The following DDAH1 variants were observed in gnomAD, a reference collection of about 807,000 sequenced individuals.
The protein encoded by DDAH1 is N(G),N(G)-dimethylarginine dimethylaminohydrolase 1.
Under a neutral mutation model 28.8 loss-of-function variants are expected in DDAH1, and 19 were observed. That is an observed-to-expected ratio of 0.66 (90% CI 0.46 to 0.97). DDAH1 has a LOEUF of 0.97. DDAH1 is among the 50% of genes least tolerant of loss of function. The pLI is 0.00. For synonymous variants in DDAH1, 153 were observed against 154.4 expected, an observed-to-expected ratio of 0.99 and a Z score of 0.07; for missense variants, 326 against 375.9, an observed-to-expected ratio of 0.87 and a Z score of 1.10.
intron 1 of DDAH1, among the ~76,000 whole-genome samples, chr1:85,508,254 T>C (rs962893983): frequency 2.0e-5 from 3 of 152,246 alleles, no homozygotes; most frequent in South Asian, 4.1e-4. Context: ...AAATTTCAAA[T>C]ATTATCACTC....
At chr1:85,323,968 C>CAAAA in intron 5 of DDAH1, among the ~76,000 whole-genome samples, 1 of 99,952 alleles carries the variant, frequency 1.0e-5, no homozygotes, top group African/African-American at 3.8e-5. Context: ...GATCCTGTCT[C>CAAAA]AAAAAAAAAA....
chr1:85,565,816 C>T (rs935283260), intron 1 of DDAH1, among the ~76,000 whole-genome samples: 1 of 152,202 alleles, frequency 6.6e-6, no homozygotes, highest in Non-Finnish European at 1.5e-5. Context: ...TGAGGTGGCT[C>T]ACGCCTGTAA....
At chr1:85,362,582 C>G (rs137892642) in intron 1 of DDAH1, among the ~76,000 whole-genome samples, 268 of 152,176 alleles carry the variant, frequency 1.8e-3, no homozygotes, top group African/African-American at 5.5e-3. Context: ...GTGGCAAGAA[C>G]CAGGGATTAG....
rs554650867 is a variant in DDAH1 at position 85,461,331 on chromosome 1, G to A, written c.303+3412C>T. Among the ~76,000 whole-genome samples the A allele has an allele frequency of 2.0e-4, 31 of 152,250 alleles. No homozygotes were observed. In the South Asian group the frequency reaches 5.8e-3, roughly 29 times the overall value. ...CTAAAACTTAGGCTTCCTGCACACA[G>A]GGCCTGTGTTTTATTAATCTTTGAG... On this transcript the variant is annotated intron_variant, in intron 1 of 5. Coordinates refer to ENST00000284031, the MANE Select transcript of DDAH1 (RefSeq NM_012137.4).
chr1:85,490,986 TA>T (rs1025128161), intron 2 of DDAH1, among the ~76,000 whole-genome samples: 1 of 152,004 alleles, frequency 6.6e-6, no homozygotes, highest in African/African-American at 2.4e-5. Context: ...AGGTGAAGGT[TA>T]TGATTTTTGC....
At chr1:85,524,413 T>C (rs539995809) in intron 1 of DDAH1, among the ~76,000 whole-genome samples, 3 of 150,634 alleles carry the variant, frequency 2.0e-5, no homozygotes, top group Non-Finnish European at 1.5e-5. Context: ...TGCTTAACCC[T>C]GGTTGTACAA....
intron 1 of DDAH1, among the ~76,000 whole-genome samples, chr1:85,462,237 C>T (rs1013199831): frequency 1.6e-4 from 24 of 152,258 alleles, no homozygotes; most frequent in African/African-American, 4.8e-4. Flanking sequence ...AGTGAAAGAA[C>T]CTCGCTCGAT....
At chr1:85,561,982 G>A (rs1659155964) in intron 1 of DDAH1, among the ~76,000 whole-genome samples, 3 of 152,176 alleles carry the variant, frequency 2.0e-5, no homozygotes, top group African/African-American at 7.2e-5. Flanking sequence ...GGGTCACCCT[G>A]TTTGACAGAG....
At chr1:85,515,016 T>TAC (rs3058833) in intron 1 of DDAH1, among the ~76,000 whole-genome samples, 66 of 48,314 alleles carry the variant, frequency 1.4e-3, no homozygotes, top group African/African-American at 3.6e-3. Context: ...AGAGCTAGAA[T>TAC]ACACACACAC....
At position 85,356,208 on chromosome 1, in the gene DDAH1, A is replaced by G. The variant is rs557928225; in HGVS notation, c.403+2540T>C. On this transcript the variant is annotated intron_variant, in intron 2 of 5. Transcript: ENST00000284031. ...TCTTTTTTAATGTACTCTATATTTC[A>G]CAAAAATAAATAAAAGTAGAGGTAA... Among the ~76,000 whole-genome samples the G allele has an allele frequency of 5.9e-5, 9 of 152,326 alleles. No homozygotes were observed. The East Asian group carries it at 1.7e-3, about 29-fold the overall frequency.
chr1:85,344,622 AT>A (rs1333327145), intron 4 of DDAH1, among the ~76,000 whole-genome samples: 2 of 150,286 alleles, frequency 1.3e-5, no homozygotes, highest in Non-Finnish European at 3.0e-5. Flanking sequence ...CCTTAAGAAA[AT>A]TTTTTTTTCT....
intron 2 of DDAH1, among the ~76,000 whole-genome samples, chr1:85,474,957 C>G (rs1250269797): frequency 6.6e-6 from 1 of 152,084 alleles, no homozygotes; most frequent in East Asian, 1.9e-4. Flanking sequence ...CTTGCTTGAC[C>G]TTTCTGAGCA....
At chr1:85,387,005 A>T (rs114546078) in intron 1 of DDAH1, among the ~76,000 whole-genome samples, 1 of 152,158 alleles carries the variant, frequency 6.6e-6, no homozygotes. Context: ...CTGAGGTGGT[A>T]TAGGGCAGTG....
intron 1 of DDAH1, among the ~76,000 whole-genome samples, chr1:85,385,594 G>A (rs760702642): frequency 5.3e-5 from 8 of 152,182 alleles, no homozygotes; most frequent in Non-Finnish European, 1.2e-4. Flanking sequence ...CAGTTAGAGC[G>A]GCCTGGCAGG....
intron 1 of DDAH1, among the ~76,000 whole-genome samples, chr1:85,539,507 A>G (rs1658404185): frequency 6.6e-6 from 1 of 151,994 alleles, no homozygotes; most frequent in Non-Finnish European, 1.5e-5. Flanking sequence ...AGTGTTTCCC[A>G]GATCAAACAT....
intron 1 of DDAH1, among the ~76,000 whole-genome samples, chr1:85,572,763 A>G (rs1384915884): frequency 1.3e-5 from 2 of 152,200 alleles, no homozygotes; most frequent in African/African-American, 4.8e-5. Flanking sequence ...CAATCCTATC[A>G]TCTCATAGAT....
intron 1 of DDAH1, among the ~76,000 whole-genome samples, chr1:85,541,643 T>G (rs2100785787): frequency 6.6e-6 from 1 of 152,338 alleles, no homozygotes; most frequent in East Asian, 1.9e-4. Context: ...TTTTAAACAC[T>G]TTGCTACAGA....
intron 1 of DDAH1, among the ~76,000 whole-genome samples, chr1:85,394,618 C>T (rs993302866): frequency 6.6e-6 from 1 of 152,142 alleles, no homozygotes; most frequent in Non-Finnish European, 1.5e-5. Flanking sequence ...AACTTTAGGG[C>T]TCTTGTTTAG....
chr1:85,398,317 C>G (rs1651907065), intron 1 of DDAH1: 1 of 152,182 alleles, frequency 6.6e-6, no homozygotes, highest in Admixed American at 6.5e-5. Context: ...TGAGACGAAA[C>G]TTATTTTGCA....
Sources: allele counts gnomAD v4.1 joint callset (sites outside exome capture counted in the v4.1 genomes callset), GRCh38; gene constraint gnomAD v4.1.1; transcripts MANE v1.5; gene names NCBI Gene and HGNC (gene_info 2026-07-23, HGNC 2026-07-21).